MAML3: variants seen among roughly 807,000 people sequenced by gnomAD.
MAML3 encodes mastermind like transcriptional coactivator 3.
A neutral mutation model predicts 101.9 loss-of-function variants in MAML3; 27 were observed. The ratio of observed to expected loss-of-function variants is 0.27; its 90% CI spans 0.20 to 0.37. The LOEUF (loss-of-function observed/expected upper bound fraction) is 0.37, where lower values mean the gene tolerates loss of function less well. Among genes scored for constraint, MAML3 ranks in the 10% least tolerant of loss-of-function variants. MAML3 has a pLI of 1.00. For missense variants in MAML3, 1,316 were observed against 1,444.9 expected, an observed-to-expected ratio of 0.91 and a Z score of 1.45; for synonymous variants, 501 against 555.9, an observed-to-expected ratio of 0.90 and a Z score of 1.39.
chr4:139,921,053 T>C (rs909608718), intron 1 of MAML3, among the ~76,000 whole-genome samples: 2 of 152,176 alleles, frequency 1.3e-5, no homozygotes, highest in South Asian at 2.1e-4. Flanking sequence ...TTCTGCTCTC[T>C]TTCCTCCTCA....
intron 2 of MAML3, among the ~76,000 whole-genome samples, chr4:139,782,715 T>C (rs1404897070): frequency 6.6e-6 from 1 of 152,178 alleles, no homozygotes; most frequent in Non-Finnish European, 1.5e-5. Flanking sequence ...GCCGAGGAGC[T>C]GGCCAGAGCT....
At chr4:139,731,443 A>AT (rs1728712423) in intron 2 of MAML3, 2 of 152,024 alleles carry the variant, frequency 1.3e-5, no homozygotes, top group African/African-American at 6.5e-5. Flanking sequence ...ACTAAAAAAA[A>AT]AAAAAAAAAA....
chr4:139,808,479 C>T (rs188869687), intron 2 of MAML3, among the ~76,000 whole-genome samples: 6 of 152,298 alleles, frequency 3.9e-5, no homozygotes, highest in East Asian at 1.9e-4. Flanking sequence ...TTTCAGAGTT[C>T]GGTCCTTAGT....
intron 1 of MAML3, among the ~76,000 whole-genome samples, chr4:139,979,766 C>T (rs1447885118): frequency 3.3e-5 from 5 of 152,204 alleles, no homozygotes; most frequent in Non-Finnish European, 7.3e-5. Flanking sequence ...GAGTAGCCCT[C>T]CCCAGACATC....
At chr4:139,934,741 AGT>A (rs1733472915) in intron 1 of MAML3, among the ~76,000 whole-genome samples, 1 of 152,190 alleles carries the variant, frequency 6.6e-6, no homozygotes, top group Non-Finnish European at 1.5e-5. Context: ...CAACCACTAA[AGT>A]GTTCTTCCCT....
chr4:139,759,792 T>C (rs1344425447), intron 2 of MAML3, among the ~76,000 whole-genome samples: 1 of 152,218 alleles, frequency 6.6e-6, no homozygotes. Flanking sequence ...GAATAAATAA[T>C]GGAATACTGG....
intron 1 of MAML3, among the ~76,000 whole-genome samples, chr4:140,059,475 G>A (rs536058850): frequency 6.6e-6 from 1 of 152,320 alleles, no homozygotes; most frequent in East Asian, 1.9e-4. Context: ...AACAGCTGCT[G>A]ACTGAGGATG....
Position 139,719,413 on chromosome 4 carries a change from C to T in MAML3, c.3327G>A (p.Pro1109=), listed in dbSNP as rs764758618. 24 of 1,613,890 alleles carry T rather than the reference C, an allele frequency of 1.5e-5. No homozygotes were observed. The highest frequency in any genetic ancestry group is 4.4e-5 in the South Asian group (4 of 91,082). Residue 1109 remains proline (P), a synonymous_variant, in exon 5 of 5, where the codon CCG becomes CCA. Coordinates refer to ENST00000509479, the MANE Select transcript of MAML3 (RefSeq NM_018717.5). ...TGGAGTCCACAAGGTCTGCACCGTC[C>T]GGGAGGCCAGGGAAGGAACCCCCAG... ...DGAGGSFPGL[P]DGADLVDSII...
Position 139,921,213 on chromosome 4 carries a change from C to T in MAML3, c.469-30246G>A, listed in dbSNP as rs536689625. On this transcript the variant is annotated intron_variant, in intron 1 of 4. Coordinates refer to ENST00000509479, the MANE Select transcript of MAML3 (RefSeq NM_018717.5). ...GCCTATCTACTGCCCCTGACACGAACTCCCAACTCACATCCAGACTCCAAG... is the reference window on the plus strand; with the variant it reads ...GCCTATCTACTGCCCCTGACACGAATTCCCAACTCACATCCAGACTCCAAG... Among the ~76,000 whole-genome samples the T allele has an allele frequency of 2.0e-5, 3 of 152,300 alleles. No homozygotes were observed. The South Asian group carries it at 6.2e-4, about 32-fold the overall frequency.
intron 1 of MAML3, among the ~76,000 whole-genome samples, chr4:140,117,653 A>G (rs968202788): frequency 1.1e-4 from 16 of 151,670 alleles, no homozygotes; most frequent in South Asian, 6.2e-4. Context: ...ATACAGGTAT[A>G]TATATATATA....
chr4:139,941,904 T>A (rs1382943500), intron 1 of MAML3, among the ~76,000 whole-genome samples: 1 of 152,002 alleles, frequency 6.6e-6, no homozygotes, highest in Non-Finnish European at 1.5e-5. Flanking sequence ...GAGGCTGAGG[T>A]GGATGGATCA....
intron 2 of MAML3, among the ~76,000 whole-genome samples, chr4:139,813,076 T>G (rs937759252): frequency 6.6e-6 from 1 of 150,806 alleles, no homozygotes; most frequent in African/African-American, 2.4e-5. Flanking sequence ...AGAAATATAG[T>G]AATAGGAATA....
intron 1 of MAML3, among the ~76,000 whole-genome samples, chr4:140,073,104 C>T (rs1727692128): frequency 1.3e-5 from 2 of 151,938 alleles, no homozygotes; most frequent in South Asian, 4.2e-4. Flanking sequence ...AAATCTGCAA[C>T]CATCTGGCTT....
chr4:139,867,423 A>G (rs189297229), intron 2 of MAML3, among the ~76,000 whole-genome samples: 1 of 152,378 alleles, frequency 6.6e-6, no homozygotes, highest in East Asian at 1.9e-4. Flanking sequence ...GTAATTTACC[A>G]GCTTTGGTAA....
intron 1 of MAML3, among the ~76,000 whole-genome samples, chr4:139,927,281 G>A (rs1032319206): frequency 6.6e-6 from 1 of 152,036 alleles, no homozygotes; most frequent in African/African-American, 2.4e-5. Context: ...TAAAAATGAT[G>A]TTGTGTCCTT....
At chr4:139,928,089 G>A (rs954407167) in intron 1 of MAML3, among the ~76,000 whole-genome samples, 1 of 152,120 alleles carries the variant, frequency 6.6e-6, no homozygotes, top group Non-Finnish European at 1.5e-5. Context: ...GTGTATATAT[G>A]TACATTTAAA....
intron 1 of MAML3, among the ~76,000 whole-genome samples, chr4:140,088,182 C>T (rs1286740484): frequency 6.6e-6 from 1 of 151,622 alleles, no homozygotes; most frequent in Admixed American, 6.6e-5. Context: ...CTCACCACTG[C>T]ACTCCAGCCT....
At chr4:140,003,289 T>C (rs1374776288) in intron 1 of MAML3, among the ~76,000 whole-genome samples, 2 of 152,186 alleles carry the variant, frequency 1.3e-5, no homozygotes, top group African/African-American at 4.8e-5. Flanking sequence ...TGGTTGGGTC[T>C]GGGTTACCTA....
chr4:139,788,790 G>A (rs564980909), intron 2 of MAML3, among the ~76,000 whole-genome samples: 1 of 152,336 alleles, frequency 6.6e-6, no homozygotes, highest in African/African-American at 2.4e-5. Flanking sequence ...ATTCTTATGT[G>A]ATGGCTGGAG....
Sources: gnomAD v4.1 joint callset for allele counts (sites outside exome capture counted in the v4.1 genomes callset) on GRCh38, gnomAD v4.1.1 for gene constraint, MANE v1.5 for transcripts, NCBI Gene and HGNC (gene_info 2026-07-23, HGNC 2026-07-21) for gene names.